The following ATRNL1 variants were observed in gnomAD, a reference collection of about 807,000 sequenced individuals.
ATRNL1 encodes the protein attractin like 1.
ATRNL1 carries 95 observed loss-of-function variants against 182.7 expected under a neutral mutation model. The ratio of observed to expected loss-of-function variants is 0.52; its 90% CI spans 0.44 to 0.62. The LOEUF (loss-of-function observed/expected upper bound fraction) is 0.62. ATRNL1 is among the 20% of genes least tolerant of loss of function. ATRNL1 has a pLI of 0.00. For synonymous variants in ATRNL1, 576 were observed against 568.3 expected, an observed-to-expected ratio of 1.01 and a Z score of -0.19; for missense variants, 1,471 against 1,679.5, an observed-to-expected ratio of 0.88 and a Z score of 2.17.
At chr10:115,766,564 C>G (rs1279877934) in intron 27 of ATRNL1, among the ~76,000 whole-genome samples, 1 of 152,138 alleles carries the variant, frequency 6.6e-6, no homozygotes, top group East Asian at 1.9e-4. Context: ...ATAGTTTTAA[C>G]TGGCATATGA....
At chr10:115,595,853 A>G (rs1167212382) in intron 26 of ATRNL1, among the ~76,000 whole-genome samples, 3 of 152,174 alleles carry the variant, frequency 2.0e-5, no homozygotes, top group African/African-American at 7.2e-5. Context: ...TAAAATCAAA[A>G]TGTCAGTATA....
At chr10:115,892,594 T>C (rs1555111576) in intron 28 of ATRNL1, among the ~76,000 whole-genome samples, 1 of 152,210 alleles carries the variant, frequency 6.6e-6, no homozygotes, top group Non-Finnish European at 1.5e-5. Context: ...AGCAAGCATA[T>C]AATTTAAACT....
intron 26 of ATRNL1, among the ~76,000 whole-genome samples, chr10:115,594,064 T>G (rs1856079297): frequency 1.3e-5 from 2 of 152,080 alleles, no homozygotes. Context: ...AGCTGTGACA[T>G]AATTCATATT....
chr10:115,719,515 G>C (rs557513393), intron 26 of ATRNL1, among the ~76,000 whole-genome samples: 2 of 152,202 alleles, frequency 1.3e-5, no homozygotes, highest in African/African-American at 2.4e-5. Flanking sequence ...ACCAGGGATT[G>C]TCTATGCTGG....
intron 28 of ATRNL1, among the ~76,000 whole-genome samples, chr10:115,903,239 G>A (rs1280001670): frequency 6.6e-6 from 1 of 152,130 alleles, no homozygotes; most frequent in Non-Finnish European, 1.5e-5. Flanking sequence ...TGGGTGCTAA[G>A]TTCAAACTGC....
intron 13 of ATRNL1, among the ~76,000 whole-genome samples, chr10:115,279,641 T>C (rs7910204): frequency 0.012 from 1,789 of 152,308 alleles, 34 homozygotes; most frequent in African/African-American, 0.04. Context: ...AATCATAGTC[T>C]CATTTACATT....
At chr10:115,144,917 A>G (rs1845909255) in intron 5 of ATRNL1, among the ~76,000 whole-genome samples, 1 of 151,682 alleles carries the variant, frequency 6.6e-6, no homozygotes, top group Admixed American at 6.6e-5. Flanking sequence ...TTATTAATAA[A>G]AAATTGAATT....
rs114675612 is a variant in ATRNL1, at chr10:115,616,324, C to T, written c.3795+66788C>T. 1.2e-3 allele frequency among the ~76,000 whole-genome samples: 184 copies of T among 152,162 alleles called. 1 individual carries two copies. The highest frequency in any genetic ancestry group is 3.6e-3 in the African/African-American group (148 of 41,506). ...CTGCAGCTAATCACCTACACTGATACGCATGAGCAAAGAAATGACTTGAAA... is the reference window on the plus strand; with the variant it reads ...CTGCAGCTAATCACCTACACTGATATGCATGAGCAAAGAAATGACTTGAAA... On this transcript the variant is annotated intron_variant, in intron 26 of 28. Transcript: ENST00000355044.
chr10:115,477,754 A>G (rs1554973450), intron 24 of ATRNL1, among the ~76,000 whole-genome samples: 1 of 151,696 alleles, frequency 6.6e-6, no homozygotes, highest in African/African-American at 2.4e-5. Context: ...TAATAAGACT[A>G]TCCTTCTGAA....
intron 20 of ATRNL1, among the ~76,000 whole-genome samples, chr10:115,421,100 A>G (rs1489243500): frequency 6.6e-6 from 1 of 152,194 alleles, no homozygotes; most frequent in Non-Finnish European, 1.5e-5. Flanking sequence ...CTTCATTGCT[A>G]AATTCTAGCA....
chr10:115,174,879 A>G (rs1437069097), intron 8 of ATRNL1, among the ~76,000 whole-genome samples: 4 of 151,882 alleles, frequency 2.6e-5, no homozygotes, highest in South Asian at 2.1e-4. Context: ...GACATTATAT[A>G]TAGGGAAAAT....
chr10:115,097,940 A>C (rs1482555290), intron 1 of ATRNL1, among the ~76,000 whole-genome samples: 4 of 152,190 alleles, frequency 2.6e-5, no homozygotes, highest in South Asian at 2.1e-4. Context: ...AAACAAAAAT[A>C]AACAACAACA....
intron 26 of ATRNL1, among the ~76,000 whole-genome samples, chr10:115,720,968 G>A (rs1555057602): frequency 6.6e-6 from 1 of 152,182 alleles, no homozygotes; most frequent in African/African-American, 2.4e-5. Flanking sequence ...AGGATGAGGG[G>A]CTGTTAGCTT....
At chr10:115,493,132 A>G (rs1243664480) in intron 24 of ATRNL1, among the ~76,000 whole-genome samples, 1 of 151,694 alleles carries the variant, frequency 6.6e-6, no homozygotes, top group Non-Finnish European at 1.5e-5. Flanking sequence ...CTTTTATTTT[A>G]GATTTAGTGG....
intron 11 of ATRNL1, 94 bp downstream of exon 11, chr10:115,265,371 A>G: frequency 1.4e-6 from 1 of 735,610 alleles, no homozygotes; most frequent in Non-Finnish European, 2.2e-6. Flanking sequence ...TATCATTGGT[A>G]CTTAATGGTA....
intron 15 of ATRNL1, 65 bp from the exon 16 acceptor site, chr10:115,299,969 C>A: frequency 8.4e-7 from 1 of 1,185,828 alleles, no homozygotes; most frequent in Non-Finnish European, 1.2e-6. Context: ...GAACTATTTG[C>A]TAAGGAATAT....
intron 18 of ATRNL1, among the ~76,000 whole-genome samples, chr10:115,333,552 C>T (rs914575855): frequency 4.0e-5 from 6 of 148,274 alleles, no homozygotes; most frequent in East Asian, 2.0e-4. Context: ...GGCACGATCT[C>T]GGCTCACTGC....
intron 28 of ATRNL1, among the ~76,000 whole-genome samples, chr10:115,889,630 T>C (rs1177249277): frequency 6.6e-6 from 1 of 152,262 alleles, no homozygotes; most frequent in Non-Finnish European, 1.5e-5. Context: ...TCAGCAATTC[T>C]GCAGTACAGG....
At chr10:115,889,776 T>C (rs1444856534) in intron 28 of ATRNL1, among the ~76,000 whole-genome samples, 3 of 152,192 alleles carry the variant, frequency 2.0e-5, no homozygotes, top group African/African-American at 7.2e-5. Context: ...ACCCTGAGAA[T>C]GAGCGCATAT....
Sources: allele counts gnomAD v4.1 joint callset (sites outside exome capture counted in the v4.1 genomes callset), GRCh38; gene constraint gnomAD v4.1.1; transcripts MANE v1.5; gene names NCBI Gene and HGNC (gene_info 2026-07-23, HGNC 2026-07-21).